The following C3 variants were observed in gnomAD, a reference collection of about 807,000 sequenced individuals.
C3 encodes C3 and PZP-like alpha-2-macroglobulin domain-containing protein 1.
Under a neutral mutation model 207.9 loss-of-function variants are expected in C3, and 97 were observed. That is an observed-to-expected ratio of 0.47 (90% CI 0.40 to 0.55). The LOEUF is 0.55. C3 is among the 20% of genes least tolerant of loss of function. C3 has a pLI of 0.00. For synonymous variants in C3, 848 were observed against 857.6 expected (o/e 0.99, Z 0.20); for missense variants, 1,684 against 2,171.7 (o/e 0.78, Z 4.46).
Position 6,694,364 on chromosome 19 carries a change from G to A in C3, c.3154+67C>T, listed in dbSNP as rs907719631. The A allele has an allele frequency of 2.8e-6, 4 of 1,418,278 alleles. No individual in the cohort carries two copies. The African/African-American group carries it at 5.6e-5, about 20-fold the overall frequency. The allele number at this position is 1,418,278 out of a possible 1,614,324, so 87.9% of individuals were successfully genotyped here. A position where few individuals can be genotyped will look rare whatever the true frequency, so the allele number is the denominator to read the frequency against. ...GAGGGCGTGGTCTTGAGATGAGGTGGGATCTTAGGGGAGGGATGCGCTCGG... is the reference window on the plus strand; with the variant it reads ...GAGGGCGTGGTCTTGAGATGAGGTGAGATCTTAGGGGAGGGATGCGCTCGG... On this transcript the variant is annotated intron_variant, in intron 24 of 40. Coordinates refer to ENST00000245907, the MANE Select transcript of C3 (RefSeq NM_000064.4).
chr19:6,678,107 C>A (rs763838624), intron 40 of C3, 45 bp downstream of exon 40: 3 of 1,613,938 alleles, frequency 1.9e-6, no homozygotes, highest in South Asian at 2.2e-5. Context: ...GTGGCATGGG[C>A]GGGGCAGTCG....
At chr19:6,711,341 A>G (rs910151070) in intron 11 of C3, 145 bp from the exon 12 acceptor site, 1 of 709,268 alleles carries the variant, frequency 1.4e-6, no homozygotes, top group African/African-American at 1.7e-5. Flanking sequence ...TGGAATCATT[A>G]TCCTGGATTA....
At chr19:6,696,692 G>C in intron 21 of C3, 33 bp from the exon 22 acceptor site, 1 of 1,588,708 alleles carries the variant, frequency 6.3e-7, no homozygotes, top group South Asian at 1.1e-5. Flanking sequence ...GGAGTCGTTG[G>C]ATGAATAAAA....
intron 27 of C3, among the ~76,000 whole-genome samples, chr19:6,690,341 C>G (rs1042017858): frequency 3.9e-5 from 6 of 152,220 alleles, no homozygotes; most frequent in African/African-American, 7.2e-5. Flanking sequence ...CACCTTTGAT[C>G]TCTTTGTGCC....
chr19:6,709,611 T>TCCCCCCCCCCCCCCCCCCCCCCCCCC, intron 14 of C3, 73 bp downstream of exon 14: 5 of 1,109,434 alleles, frequency 4.5e-6, no homozygotes, highest in South Asian at 2.5e-5. Context: ...CCCTCTCCAG[T>TCCCCCCCCCCCCCCCCCCCCCCCCCC]CCCACCCACC....
chr19:6,689,581 C>CA (rs1410318738), intron 27 of C3, among the ~76,000 whole-genome samples: 1 of 152,072 alleles, frequency 6.6e-6, no homozygotes, highest in Non-Finnish European at 1.5e-5. Flanking sequence ...TGCAGTGACT[C>CA]ACGCCTGTAA....
intron 36 of C3, 119 bp from the exon 37 acceptor site, chr19:6,679,615 C>T: frequency 1.3e-6 from 1 of 750,478 alleles, no homozygotes; most frequent in South Asian, 1.4e-5. Flanking sequence ...GTCTTCAACC[C>T]CTCAGATCCC....
rs778521833 is a variant in C3 at position 6,719,297 on chromosome 19, C to T, written c.181G>A (p.Asp61Asn). 9 of 1,613,888 alleles carry T rather than the reference C, an allele frequency of 5.6e-6. No individual in the cohort carries two copies. Among genetic ancestry groups the T allele is most frequent in the East Asian group, 2.2e-5 (1 of 44,888 alleles). Residue 61 changes from aspartate to asparagine, a missense_variant, in exon 2 of 41, where the codon GAC becomes AAC. Around this residue, in one of 3 missense-constraint regions of C3, gnomAD observed 1,280 missense variants for 1,739.1 expected, o/e 0.74. Transcript: ENST00000245907. The surrounding 1 kb of genome is among the most constrained non-coding windows in gnomAD (Gnocchi z 5.4). ...GDVPVTVTVH[D>N]FPGKKLVLSS... is the part of the protein sequence containing the mutation. ...AGCACTAGTTTTTTGCCTGGGAAGTCGTGGACAGTAACAGTGACTGGAACA... is the reference window on the plus strand; with the variant it reads ...AGCACTAGTTTTTTGCCTGGGAAGTTGTGGACAGTAACAGTGACTGGAACA...
In C3 at chr19:6,678,149, C is replaced by T. The variant is rs185428134; in HGVS notation, c.4850+3G>A. The T allele has an allele frequency of 5.5e-5, 88 of 1,614,154 alleles. No individual in the cohort carries two copies. The East Asian group carries it at 1.6e-3, about 29-fold the overall frequency. ...CGCGCGCACGCGCAGGGAAAGCACT[C>T]ACTTGGGCTTCTCTCCCCAGAAATC... is the stretch of plus-strand genomic sequence containing the variant. On this transcript the variant is annotated splice_donor_region_variant and intron_variant, in intron 40 of 40. Transcript: ENST00000245907.
At chr19:6,689,322 TACCTACCTCCCTCCCTCC>T (rs1453704532) in intron 27 of C3, among the ~76,000 whole-genome samples, 2 of 65,496 alleles carry the variant, frequency 3.1e-5, no homozygotes, top group African/African-American at 1.5e-4. Context: ...TCTCTCTCTC[TACCTACCTCCCTCCCTCC>T]CTCCCTCCCT....
At chr19:6,682,536 A>T (rs1568210701) in intron 33 of C3, 1 of 388,318 alleles carries the variant, frequency 2.6e-6, no homozygotes, top group East Asian at 6.1e-5. Context: ...GCAAGAATAC[A>T]GGCAGCCCTC....
chr19:6,686,714 A>G, intron 28 of C3, 32 bp downstream of exon 28: 2 of 1,599,026 alleles, frequency 1.3e-6, no homozygotes, highest in South Asian at 1.1e-5. Flanking sequence ...TCAGCCATGC[A>G]TCTCCCTTCA....
intron 23 of C3, among the ~76,000 whole-genome samples, chr19:6,696,154 G>A (rs1262041039): frequency 4.7e-5 from 7 of 149,312 alleles, no homozygotes; most frequent in Admixed American, 2.0e-4. Flanking sequence ...AGCTTGCAGC[G>A]AGCTGAGGTC....
rs1658108087 is a variant in C3 at position 6,707,227 on chromosome 19, C to T, written c.2094G>A (p.Met698Ile). The T allele has an allele frequency of 2.5e-6, 4 of 1,613,508 alleles. No individual in the cohort carries two copies. Among genetic ancestry groups the T allele is most frequent in the Non-Finnish European group, 3.4e-6 (4 of 1,179,786 alleles). Residue 698 changes from methionine (M) to isoleucine (I), a missense_variant, in exon 17 of 41, where the codon ATG (methionine) becomes ATA (isoleucine). Physicochemically the swap from Met to Ile is conservative, Grantham distance 10. Coordinates refer to ENST00000245907, the MANE Select transcript of C3 (RefSeq NM_000064.4). ...KELRKCCEDG[M>I]RENPMRFSCQ... ...ACGAGAACCTCATGGGGTTCTCCCG[C>T]ATGCCGTCCTCGCAGCACTTGCGCA...
In C3 at chr19:6,702,220, G is replaced by C; in HGVS notation, c.2355-8C>G. ...ATGAGCTTCGTAGAGATTCTGGATG[G>C]AGAAGAGGTTGGGGTATTAGGAGAT... On this transcript the variant is annotated splice_polypyrimidine_tract_variant and splice_region_variant and intron_variant, in intron 18 of 40. Coordinates refer to ENST00000245907, the MANE Select transcript of C3 (RefSeq NM_000064.4). 1 of 1,568,198 alleles carries C rather than the reference G, an allele frequency of 6.4e-7. No homozygotes were observed. The highest frequency in any genetic ancestry group is 8.8e-7 in the Non-Finnish European group (1 of 1,142,640).
At chr19:6,701,172 C>G (rs1443440045) in intron 19 of C3, among the ~76,000 whole-genome samples, 6 of 152,168 alleles carry the variant, frequency 3.9e-5, no homozygotes, top group Non-Finnish European at 8.8e-5. Context: ...GGGGACTTAT[C>G]AGGTCCTAGC....
chr19:6,713,341 G>A, intron 8 of C3, 26 bp from the exon 9 acceptor site: 1 of 1,613,922 alleles, frequency 6.2e-7, no homozygotes, highest in Non-Finnish European at 8.5e-7. Flanking sequence ...AGGGCTCAGA[G>A]AGGGGAGCGG....
chr19:6,710,911 G>C, intron 12 of C3, 66 bp from the exon 13 acceptor site: 1 of 1,601,754 alleles, frequency 6.2e-7, no homozygotes, highest in Non-Finnish European at 8.6e-7. Context: ...AGGGATCCGG[G>C]ATGGGGGAAG....
chr19:6,677,987 C>G lies in C3; in HGVS notation c.4887G>C (p.Glu1629Asp), dbSNP rs200816772. 11 of 1,614,154 alleles carry G rather than the reference C, an allele frequency of 6.8e-6. No individual in the cohort carries two copies. The East Asian group carries it at 2.5e-4, about 36-fold the overall frequency. Residue 1629 changes from glutamate (E) to aspartate (D), a missense_variant, in exon 41 of 41, where the codon GAG becomes GAC. By Grantham distance (45) the Glu-to-Asp change is conservative. Around this residue, in one of 3 missense-constraint regions of C3, gnomAD observed 346 missense variants for 380.1 expected, o/e 0.91. Coordinates refer to ENST00000245907, the MANE Select transcript of C3 (RefSeq NM_000064.4). The stretch of plus-strand genomic sequence containing the variant: ...GGCATTCGTCCTCCTCGGGCCAGTG[C>G]TCCACCCAAGTGTCCTTCCCGATGA... ...SYIIGKDTWV[E>D]HWPEEDECQD... is the part of the protein sequence containing the mutation.
Sources: gnomAD v4.1 joint callset for allele counts (sites outside exome capture counted in the v4.1 genomes callset) on GRCh38, gnomAD v4.1.1 for gene constraint, gnomAD v4.1.1 regional missense constraint, Gnocchi (gnomAD v3.1) non-coding constraint, MANE v1.5 for transcripts, NCBI Gene and HGNC (gene_info 2026-07-23, HGNC 2026-07-21) for gene names.